The following PLAC9 variants were observed in gnomAD, a reference collection of about 807,000 sequenced individuals.
PLAC9 encodes placenta associated 9.
Under a neutral mutation model 11.5 loss-of-function variants are expected in PLAC9, and 12 were observed. The ratio of observed to expected loss-of-function variants is 1.05; its 90% CI spans 0.67 to 1.69. PLAC9 has a LOEUF of 1.69. Among genes scored for constraint, PLAC9 ranks in the 40% most tolerant of loss-of-function variants. PLAC9 has a pLI of 0.00. For missense variants in PLAC9, 132 were observed against 130.5 expected, an observed-to-expected ratio of 1.01 and a Z score of -0.06; for synonymous variants, 62 against 58.1, an observed-to-expected ratio of 1.07 and a Z score of -0.31.
chr10:80,142,314 A>C, intron 2 of PLAC9, 135 bp downstream of exon 2: 1 of 657,388 alleles, frequency 1.5e-6, no homozygotes, highest in South Asian at 2.2e-5. Flanking sequence ...CTCGTCCAAC[A>C]TCACCCTCCC....
At position 80,141,136 on chromosome 10, in the gene PLAC9, T is replaced by C. The variant is rs192540901; in HGVS notation, c.65-946T>C. On this transcript the variant is annotated intron_variant, in intron 1 of 3. Transcript: ENST00000372263. ...CAACGCTGCTACTGAAATATCTCCT[T>C]TCATTTTCTTCCTCACTATTCCTAC... Among the ~76,000 whole-genome samples the C allele has an allele frequency of 2.2e-3, 330 of 152,218 alleles. 1 individual carries two copies. The highest frequency in any genetic ancestry group is 0.014 in the Middle Eastern group (4 of 294).
intron 1 of PLAC9, 122 bp downstream of exon 1, chr10:80,132,948 C>T (rs1844930277): frequency 2.6e-6 from 2 of 766,816 alleles, no homozygotes; most frequent in South Asian, 5.3e-5. Context: ...GACAGAGAGG[C>T]AGATGCAGGG....
At position 80,132,781 on chromosome 10, in the gene PLAC9, G is replaced by T. The variant is rs763231999; in HGVS notation, c.19G>T (p.Ala7Ser). 42 of 1,496,920 alleles carry T rather than the reference G, an allele frequency of 2.8e-5. No individual in the cohort carries two copies. In the South Asian group the frequency reaches 5.3e-4, roughly 19 times the overall value. 92.7% of individuals were successfully genotyped at this position (1,496,920 alleles called of 1,614,324 possible). A position where few individuals can be genotyped will look rare whatever the true frequency, so the allele number is the denominator to read the frequency against. The change falls in exon 1 of 4, where the codon GCG becomes TCG. Residue 7 changes from alanine to serine, a missense_variant. Coordinates refer to ENST00000372263, the MANE Select transcript of PLAC9 (RefSeq NM_001012973.3). The part of the protein sequence containing the change: MRPLLC[A>S]LTGLALLRAA... The stretch of plus-strand genomic sequence containing the variant: ...CGGCACCATGCGGCCCCTGCTCTGC[G>T]CGCTGACCGGACTGGCCCTGCTCCG...
intron 1 of PLAC9, among the ~76,000 whole-genome samples, chr10:80,140,157 T>C (rs766859353): frequency 4.6e-5 from 7 of 152,120 alleles, no homozygotes. Flanking sequence ...AGTTCATCCT[T>C]GGGTTCTCCT....
chr10:80,133,772 G>A (rs760218637), intron 1 of PLAC9, among the ~76,000 whole-genome samples: 6 of 152,018 alleles, frequency 3.9e-5, no homozygotes, highest in Non-Finnish European at 7.4e-5. Context: ...GTGAAATGCT[G>A]TCTCTATTAA....
At chr10:80,136,285 C>G (rs1844974597) in intron 1 of PLAC9, among the ~76,000 whole-genome samples, 1 of 152,128 alleles carries the variant, frequency 6.6e-6, no homozygotes, top group Non-Finnish European at 1.5e-5. Flanking sequence ...AACGCAGCAT[C>G]CAAGGAGGTC....
rs1375122499 is a variant in PLAC9, at chr10:80,145,093, G to A, written c.*183G>A. ...CAGCCTCCTCTCACTCCACTTCCATGCCTGGAGGAAGCCTGCAACCCCCTC... is the reference window on the plus strand; with the variant it reads ...CAGCCTCCTCTCACTCCACTTCCATACCTGGAGGAAGCCTGCAACCCCCTC... On this transcript the variant is annotated 3_prime_UTR_variant, in exon 4 of 4. Coordinates refer to ENST00000372263, the MANE Select transcript of PLAC9 (RefSeq NM_001012973.3). The A allele has an allele frequency of 1.2e-6, 1 of 816,682 alleles. No individual in the cohort carries two copies. Among genetic ancestry groups the A allele is most frequent in the Non-Finnish European group, 2.0e-6 (1 of 492,034 alleles). The allele number at this position is 816,682 out of a possible 1,614,324, so 50.6% of individuals were successfully genotyped here. A position where few individuals can be genotyped will look rare whatever the true frequency, so the allele number is the denominator to read the frequency against.
upstream of PLAC9, chr10:80,132,663 T>C (rs1321426664): frequency 1.5e-5 from 15 of 1,006,452 alleles, no homozygotes; most frequent in South Asian, 2.0e-4. Context: ...CCCAGGAATT[T>C]TGGCTCGAAC....
intron 1 of PLAC9, among the ~76,000 whole-genome samples, chr10:80,134,263 TTC>T (rs1491532905): frequency 7.0e-6 from 1 of 141,982 alleles, no homozygotes; most frequent in African/African-American, 2.6e-5. Flanking sequence ...CTTTCTTTCT[TTC>T]TTTTTTTTTT....
At chr10:80,136,471 CATTT>C (rs1844976886) in intron 1 of PLAC9, among the ~76,000 whole-genome samples, 2 of 151,972 alleles carry the variant, frequency 1.3e-5, no homozygotes, top group Admixed American at 1.3e-4. Context: ...ATTTTTTATT[CATTT>C]ATTTATTTTC....
At chr10:80,140,580 A>C (rs1204974797) in intron 1 of PLAC9, among the ~76,000 whole-genome samples, 3 of 152,308 alleles carry the variant, frequency 2.0e-5, no homozygotes, top group East Asian at 3.9e-4. Flanking sequence ...GGTTCCAGCC[A>C]ACCCTGATGC....
chr10:80,136,289 G>A (rs1159636906), intron 1 of PLAC9, among the ~76,000 whole-genome samples: 2 of 152,158 alleles, frequency 1.3e-5, no homozygotes, highest in Non-Finnish European at 2.9e-5. Context: ...CAGCATCCAA[G>A]GAGGTCCATT....
chr10:80,135,267 C>T (rs1000110268), intron 1 of PLAC9, among the ~76,000 whole-genome samples: 1 of 151,254 alleles, frequency 6.6e-6, no homozygotes, highest in African/African-American at 2.4e-5. Context: ...TGTGATTTGC[C>T]CGCCTCGGCC....
At chr10:80,132,490 C>T (rs1434165771), upstream of PLAC9, 4 of 409,306 alleles carry the variant, frequency 9.8e-6, no homozygotes, top group East Asian at 1.7e-4. Flanking sequence ...CTCCCGGGCT[C>T]CCAGGAGGTG....
At chr10:80,134,954 TTTCTA>T (rs1455291315) in intron 1 of PLAC9, among the ~76,000 whole-genome samples, 1 of 152,192 alleles carries the variant, frequency 6.6e-6, no homozygotes, top group Non-Finnish European at 1.5e-5. Context: ...CCCCTTATAT[TTTCTA>T]TAAATTGAGA....
chr10:80,144,465 G>C (rs1243589538), intron 3 of PLAC9, 122 bp downstream of exon 3: 2 of 1,316,352 alleles, frequency 1.5e-6, no homozygotes, highest in Non-Finnish European at 2.0e-6. Context: ...GGGCCCCAGC[G>C]CTCCCTGGGG....
upstream of PLAC9, chr10:80,132,503 G>A (rs558053585): frequency 9.5e-6 from 4 of 419,974 alleles, no homozygotes; most frequent in East Asian, 1.6e-4. Flanking sequence ...AGGAGGTGCG[G>A]GGACTCGGGG....
chr10:80,135,334 T>C (rs1426025896), intron 1 of PLAC9, among the ~76,000 whole-genome samples: 11 of 142,490 alleles, frequency 7.7e-5, no homozygotes, highest in Non-Finnish European at 1.2e-4. Context: ...TTTTTTTTTT[T>C]TTTTTTTTTG....
chr10:80,142,307 G>A (rs1358512682), intron 2 of PLAC9, 128 bp downstream of exon 2: 11 of 696,086 alleles, frequency 1.6e-5, no homozygotes, highest in South Asian at 4.3e-5. Flanking sequence ...TGGCCACCTC[G>A]TCCAACATCA....
Sources: allele counts gnomAD v4.1 joint callset (sites outside exome capture counted in the v4.1 genomes callset), GRCh38; gene constraint gnomAD v4.1.1; transcripts MANE v1.5; gene names NCBI Gene and HGNC (gene_info 2026-07-23, HGNC 2026-07-21).